The following KIF26B variants were observed in gnomAD, a reference collection of about 807,000 sequenced individuals.
KIF26B encodes the protein kinesin family member 26B.
A neutral mutation model predicts 151.2 loss-of-function variants in KIF26B; 63 were observed. That is an observed-to-expected ratio of 0.42 (90% CI 0.34 to 0.51). The LOEUF (loss-of-function observed/expected upper bound fraction) is 0.51. KIF26B is among the 20% of genes least tolerant of loss of function. The pLI, the probability that KIF26B is intolerant of heterozygous loss-of-function variation, is 0.07. For synonymous variants in KIF26B, 1,357 were observed against 1,262.1 expected, an observed-to-expected ratio of 1.08 and a Z score of -1.59; for missense variants, 2,813 against 2,913.6, an observed-to-expected ratio of 0.97 and a Z score of 0.79.
chr1:245,175,757 CGTTT>C (rs976079548), intron 2 of KIF26B, among the ~76,000 whole-genome samples: 1 of 151,896 alleles, frequency 6.6e-6, no homozygotes, highest in African/African-American at 2.4e-5. Context: ...AAAGCCTCTT[CGTTT>C]GTTCCATTTC....
Position 245,259,209 on chromosome 1 carries a change from A to G in KIF26B, c.465+102526A>G, listed in dbSNP as rs148306341. On this transcript the variant is annotated intron_variant, in intron 2 of 14. Coordinates refer to ENST00000407071, the MANE Select transcript of KIF26B (RefSeq NM_018012.4). ...TCAGTTCTTCTGTTCATTTTTGTAC[A>G]TTATTATCTCTTCATTGTTGTACAT... 7.0e-3 allele frequency among the ~76,000 whole-genome samples: 1,073 copies of G among 152,274 alleles called. 5 individuals are homozygous for G. Among genetic ancestry groups the G allele is most frequent in the Non-Finnish European group, 0.012 (783 of 68,018 alleles).
chr1:245,334,750 G>T (rs1487443221), intron 2 of KIF26B, among the ~76,000 whole-genome samples: 1 of 152,178 alleles, frequency 6.6e-6, no homozygotes, highest in Non-Finnish European at 1.5e-5. Flanking sequence ...TCTGCCAAGG[G>T]TGAGATGTTC....
chr1:245,267,690 A>G (rs1670773730), intron 2 of KIF26B, among the ~76,000 whole-genome samples: 4 of 151,052 alleles, frequency 2.6e-5, no homozygotes, highest in Admixed American at 2.6e-4. Flanking sequence ...ACACAAAAGG[A>G]GAAAAGTGAT....
chr1:245,556,365 C>G (rs1369036514), intron 5 of KIF26B, among the ~76,000 whole-genome samples: 1 of 125,098 alleles, frequency 8.0e-6, no homozygotes, highest in African/African-American at 4.0e-5. Context: ...CCTCCTCCTT[C>G]TTCTTCTTCC....
At chr1:245,209,444 C>T (rs1465108090) in intron 2 of KIF26B, among the ~76,000 whole-genome samples, 1 of 151,664 alleles carries the variant, frequency 6.6e-6, no homozygotes, top group Non-Finnish European at 1.5e-5. Context: ...AAAACATTAA[C>T]AAATGGATGA....
chr1:245,390,119 G>T (rs1000238319), intron 3 of KIF26B, among the ~76,000 whole-genome samples: 1 of 120,996 alleles, frequency 8.3e-6, no homozygotes, highest in Non-Finnish European at 1.7e-5. Flanking sequence ...AGGTGGTCAC[G>T]CCAAGCTATG....
At chr1:245,478,263 C>T (rs936388724) in intron 4 of KIF26B, among the ~76,000 whole-genome samples, 14 of 151,798 alleles carry the variant, frequency 9.2e-5, no homozygotes, top group African/African-American at 3.1e-4. Flanking sequence ...GGTTTTCCCA[C>T]GTTTGGCTGT....
intron 4 of KIF26B, among the ~76,000 whole-genome samples, chr1:245,457,355 G>A (rs1368385297): frequency 1.3e-5 from 2 of 152,164 alleles, no homozygotes; most frequent in Non-Finnish European, 2.9e-5. Flanking sequence ...CCACATATAT[G>A]ACCTAATGTT....
intron 5 of KIF26B, among the ~76,000 whole-genome samples, chr1:245,550,806 G>T (rs1368807263): frequency 6.6e-6 from 1 of 152,056 alleles, no homozygotes; most frequent in Non-Finnish European, 1.5e-5. Flanking sequence ...CTCTTTTTTT[G>T]TGAGCCTCAA....
intron 4 of KIF26B, among the ~76,000 whole-genome samples, chr1:245,505,831 A>G (rs911862534): frequency 1.3e-5 from 2 of 152,176 alleles, no homozygotes; most frequent in African/African-American, 4.8e-5. Flanking sequence ...AAGGAGCACA[A>G]ATTTTACAAA....
chr1:245,675,868 A>C (rs940980823), intron 10 of KIF26B, among the ~76,000 whole-genome samples: 1 of 152,192 alleles, frequency 6.6e-6, no homozygotes, highest in Non-Finnish European at 1.5e-5. Context: ...TAGAGAACAA[A>C]GCCAGTGGCC....
At chr1:245,304,042 G>C (rs1671491246) in intron 2 of KIF26B, among the ~76,000 whole-genome samples, 1 of 152,224 alleles carries the variant, frequency 6.6e-6, no homozygotes, top group East Asian at 1.9e-4. Flanking sequence ...GAAGCTCACA[G>C]ATTTGCAGAT....
chr1:245,156,198 C>T, intron 1 of KIF26B, 84 bp from the exon 2 acceptor site: 1 of 1,485,064 alleles, frequency 6.7e-7, no homozygotes, highest in Non-Finnish European at 8.9e-7. Flanking sequence ...CGAGCGGGTA[C>T]TTGGTGGCGC....
At position 245,328,822 on chromosome 1, in the gene KIF26B, AAGAC is replaced by A. The variant is rs553819485; in HGVS notation, c.466-38005_466-38002del. On this transcript the variant is annotated intron_variant, in intron 2 of 14. Coordinates refer to ENST00000407071, the MANE Select transcript of KIF26B (RefSeq NM_018012.4). ...AGTTGTCGCTCATCGAGAACTCGTG[AAGAC>A]AGACAGGGGAGCAGTGACCCTGGAA... Among the ~76,000 whole-genome samples the A allele has an allele frequency of 1.0e-3, 157 of 152,304 alleles. 1 individual carries two copies. The highest frequency in any genetic ancestry group is 3.6e-3 in the African/African-American group (151 of 41,570).
intron 5 of KIF26B, among the ~76,000 whole-genome samples, chr1:245,588,595 CTG>C (rs1353366330): frequency 6.6e-6 from 1 of 152,240 alleles, no homozygotes; most frequent in Non-Finnish European, 1.5e-5. Context: ...AGCAGGATGA[CTG>C]GGACTCATTG....
intron 4 of KIF26B, among the ~76,000 whole-genome samples, chr1:245,530,930 G>A (rs148355437): frequency 5.9e-5 from 9 of 152,248 alleles, no homozygotes; most frequent in East Asian, 3.9e-4. Context: ...TGAGTTTCCC[G>A]GAACACTGAG....
rs996771097 is a variant in KIF26B at position 245,698,698 on chromosome 1, G to A, written c.6028-189G>A. 2.0e-5 allele frequency among the ~76,000 whole-genome samples: 3 copies of A among 152,182 alleles called. No individual in the cohort carries two copies. The highest frequency in any genetic ancestry group is 7.2e-5 in the African/African-American group (3 of 41,452). The stretch of plus-strand genomic sequence containing the variant: ...GTCTGTCATAGTCCAAGAATGGTCT[G>A]TCATAGTCCTACCTTGTGAGGTGTC... On this transcript the variant is annotated intron_variant, in intron 13 of 14. Transcript: ENST00000407071. The surrounding 1 kb of genome is among the most constrained non-coding windows in gnomAD (Gnocchi z 4.0).
chr1:245,669,647 G>A (rs915881765), intron 10 of KIF26B, among the ~76,000 whole-genome samples: 8 of 152,210 alleles, frequency 5.3e-5, no homozygotes, highest in African/African-American at 1.9e-4. Flanking sequence ...TAGCCAGCAG[G>A]ATGTAGCTAT....
intron 4 of KIF26B, among the ~76,000 whole-genome samples, chr1:245,492,305 G>T (rs1660424924): frequency 6.6e-6 from 1 of 152,218 alleles, no homozygotes; most frequent in Admixed American, 6.5e-5. Flanking sequence ...TTTTGTTGAA[G>T]CAGTCTCAGG....
Sources: allele counts gnomAD v4.1 joint callset (sites outside exome capture counted in the v4.1 genomes callset), GRCh38; gene constraint gnomAD v4.1.1; non-coding constraint Gnocchi (gnomAD v3.1); transcripts MANE v1.5; gene names NCBI Gene and HGNC (gene_info 2026-07-23, HGNC 2026-07-21).